ARFGEF2: variants seen among roughly 807,000 people sequenced by gnomAD.
ARFGEF2 encodes brefeldin A-inhibited guanine nucleotide-exchange protein 2.
A neutral mutation model predicts 219.9 loss-of-function variants in ARFGEF2; 74 were observed. The observed-to-expected ratio is 0.34, with a 90% CI of 0.28 to 0.41. ARFGEF2 has a LOEUF of 0.41. Among genes scored for constraint, ARFGEF2 ranks in the 10% least tolerant of loss-of-function variants. The pLI, the probability that ARFGEF2 is intolerant of heterozygous loss-of-function variation, is 1.00. For missense variants in ARFGEF2, 1,743 were observed against 2,218.3 expected (o/e 0.79, Z 4.30); for synonymous variants, 733 against 799.2 (o/e 0.92, Z 1.40).
At chr20:48,936,875 T>C (rs1341764099) in intron 1 of ARFGEF2, among the ~76,000 whole-genome samples, 3 of 152,200 alleles carry the variant, frequency 2.0e-5, no homozygotes, top group Admixed American at 6.5e-5. Context: ...GTTTTTCATA[T>C]GTTTTTTGGC....
chr20:49,021,575 C>T (rs757458184), intron 34 of ARFGEF2, among the ~76,000 whole-genome samples: 1 of 152,030 alleles, frequency 6.6e-6, no homozygotes, highest in African/African-American at 2.4e-5. Flanking sequence ...GGGCCGGGCG[C>T]GGTGGCTCAC....
intron 16 of ARFGEF2, among the ~76,000 whole-genome samples, chr20:48,986,043 T>C (rs1309936339): frequency 6.6e-6 from 1 of 152,190 alleles, no homozygotes; most frequent in Non-Finnish European, 1.5e-5. Context: ...ACATAACTAA[T>C]AAAAACCACC....
chr20:48,938,356 T>G (rs964388824), intron 1 of ARFGEF2, among the ~76,000 whole-genome samples: 2 of 152,228 alleles, frequency 1.3e-5, no homozygotes, highest in Non-Finnish European at 2.9e-5. Flanking sequence ...TCTCCATCCC[T>G]TAAAGCAAAA....
At chr20:48,976,793 G>A (rs1481958189) in intron 14 of ARFGEF2, among the ~76,000 whole-genome samples, 2 of 152,142 alleles carry the variant, frequency 1.3e-5, no homozygotes, top group African/African-American at 4.8e-5. Flanking sequence ...GGGTGACAGA[G>A]TGAGACTCCA....
chr20:48,967,498 C>T (rs1366568808), intron 8 of ARFGEF2, among the ~76,000 whole-genome samples: 2 of 152,150 alleles, frequency 1.3e-5, no homozygotes, highest in Non-Finnish European at 2.9e-5. Flanking sequence ...AGTGTAATAG[C>T]ATGCTTCTGT....
At chr20:48,953,364 CAG>C in intron 5 of ARFGEF2, among the ~76,000 whole-genome samples, 190 bp from the exon 6 acceptor site, 1 of 151,782 alleles carries the variant, frequency 6.6e-6, no homozygotes, top group Non-Finnish European at 1.5e-5. Flanking sequence ...TCTATAGAGA[CAG>C]AGTTTCACCA....
chr20:48,951,269 G>C, intron 3 of ARFGEF2, 54 bp from the exon 4 acceptor site: 1 of 1,606,338 alleles, frequency 6.2e-7, no homozygotes, highest in South Asian at 1.1e-5. Context: ...TGCCACGGAA[G>C]GCCTCAGTCC....
chr20:48,925,606 T>G (rs1273494232), intron 1 of ARFGEF2, among the ~76,000 whole-genome samples: 1 of 152,142 alleles, frequency 6.6e-6, no homozygotes, highest in African/African-American at 2.4e-5. Context: ...GAGGCCAAGG[T>G]GGGCAGATTG....
chr20:49,004,937 T>C (rs1438748126), intron 25 of ARFGEF2, 133 bp from the exon 26 acceptor site: 6 of 1,006,184 alleles, frequency 6.0e-6, no homozygotes, highest in Non-Finnish European at 9.4e-6. Context: ...GAAATAGCAT[T>C]TTCTTTTCTC....
At chr20:48,972,777 C>T (rs56948172) in intron 11 of ARFGEF2, among the ~76,000 whole-genome samples, 6,909 of 152,246 alleles carry the variant, frequency 0.045, 481 homozygotes, top group African/African-American at 0.15. Flanking sequence ...TGTGGATTTA[C>T]CTTACACTAT....
In ARFGEF2 at chr20:48,985,439, C is replaced by T; in HGVS notation, c.2102C>T (p.Ala701Val). ...TQVGDFLGDS[A>V]RFNKEVMYAY... is the part of the protein sequence containing the mutation. ...GTAGGCGATTTTCTGGGAGATAGCGCAAGGTTCAACAAGGAGGTGATGTAT... is the reference window on the plus strand; with the variant it reads ...GTAGGCGATTTTCTGGGAGATAGCGTAAGGTTCAACAAGGAGGTGATGTAT... Residue 701 changes from alanine (A) to valine (V), a missense_variant, in exon 16 of 39, where the codon GCA becomes GTA. By Grantham distance (64) the Ala-to-Val change is moderately conservative. Around this residue, in one of 5 missense-constraint regions of ARFGEF2, gnomAD observed 666 missense variants for 955.4 expected, o/e 0.70. Coordinates refer to ENST00000371917, the MANE Select transcript of ARFGEF2 (RefSeq NM_006420.3). The T allele has an allele frequency of 6.2e-7, 1 of 1,614,096 alleles. No homozygotes were observed. The highest frequency in any genetic ancestry group is 8.5e-7 in the Non-Finnish European group (1 of 1,180,020).
At chr20:48,995,687 A>G in intron 22 of ARFGEF2, 96 bp from the exon 23 acceptor site, 1 of 1,054,230 alleles carries the variant, frequency 9.5e-7, no homozygotes, top group Non-Finnish European at 1.5e-6. Context: ...ATTCCCATTT[A>G]TGTCCCCTGT....
intron 20 of ARFGEF2, among the ~76,000 whole-genome samples, chr20:48,990,327 C>T (rs1008799675): frequency 5.9e-5 from 9 of 152,108 alleles, no homozygotes; most frequent in South Asian, 2.1e-4. Context: ...ATTATAATTT[C>T]GCATATTTCC....
At chr20:48,945,244 G>A (rs890587093) in intron 3 of ARFGEF2, among the ~76,000 whole-genome samples, 4 of 152,166 alleles carry the variant, frequency 2.6e-5, no homozygotes, top group Non-Finnish European at 5.9e-5. Context: ...CTTTCAGTCT[G>A]TAGCAACAGC....
intron 1 of ARFGEF2, among the ~76,000 whole-genome samples, chr20:48,928,325 A>T (rs2090891278): frequency 7.1e-6 from 1 of 141,724 alleles, no homozygotes; most frequent in Non-Finnish European, 1.5e-5. Flanking sequence ...CAGCCTCCCG[A>T]GTAGCTGGGA....
At position 48,965,923 on chromosome 20, in the gene ARFGEF2, T is replaced by TG; in HGVS notation, c.961dup (p.Glu321GlyfsTer12). The TG allele has an allele frequency of 6.2e-7, 1 of 1,614,218 alleles. No individual in the cohort carries two copies. The highest frequency in any genetic ancestry group is 8.5e-7 in the Non-Finnish European group (1 of 1,180,036). ...GAACCTGAGAGAGTTCTAGGTGAACTGGAGTGCCAGGAATGTGCTATTCCC... is the reference window on the plus strand; with the variant it reads ...GAACCTGAGAGAGTTCTAGGTGAACTGGGAGTGCCAGGAATGTGCTATTCCC... On this transcript the variant is annotated frameshift_variant, in exon 8 of 39. Coordinates refer to ENST00000371917, the MANE Select transcript of ARFGEF2 (RefSeq NM_006420.3). LOFTEE classifies it high-confidence loss of function.
At position 49,035,256 on chromosome 20, in the gene ARFGEF2, G is replaced by C. The variant is rs1004980405; in HGVS notation, c.*2057G>C. On this transcript the variant is annotated 3_prime_UTR_variant, in exon 39 of 39. Coordinates refer to ENST00000371917, the MANE Select transcript of ARFGEF2 (RefSeq NM_006420.3). Reference sequence around the variant, plus strand: ...CATCGGATGTGACTAAAATTTTTCTGGTGTCTTCTGCCCTCTCTTTAATTT... The same window carrying C: ...CATCGGATGTGACTAAAATTTTTCTCGTGTCTTCTGCCCTCTCTTTAATTT... The C allele has an allele frequency of 6.6e-6, 1 of 152,124 alleles. No individual in the cohort carries two copies. The highest frequency in any genetic ancestry group is 2.4e-5 in the African/African-American group (1 of 41,434). The allele number at this position is 152,124 out of a possible 1,614,324, so 9.4% of individuals were successfully genotyped here.
chr20:48,956,920 G>A (rs2091109423), intron 6 of ARFGEF2, among the ~76,000 whole-genome samples: 1 of 152,132 alleles, frequency 6.6e-6, no homozygotes, highest in Non-Finnish European at 1.5e-5. Flanking sequence ...CAAATGCCTG[G>A]AACTGTGCCG....
At chr20:48,935,000 A>T (rs747456499) in intron 1 of ARFGEF2, among the ~76,000 whole-genome samples, 7 of 152,118 alleles carry the variant, frequency 4.6e-5, no homozygotes, top group Non-Finnish European at 7.4e-5. Flanking sequence ...ATTTCTCCAC[A>T]TCCTCTCCAG....
Sources: allele counts gnomAD v4.1 joint callset (sites outside exome capture counted in the v4.1 genomes callset), GRCh38; gene constraint gnomAD v4.1.1; regional missense constraint gnomAD v4.1.1; transcripts MANE v1.5; gene names NCBI Gene and HGNC (gene_info 2026-07-23, HGNC 2026-07-21).